Variants in FAAH2 observed in about 807,000 individuals in gnomAD.
FAAH2 encodes fatty-acid amide hydrolase 2.
A neutral mutation model predicts 36.9 loss-of-function variants in FAAH2; 60 were observed. That is an observed-to-expected ratio of 1.63 (90% CI 1.32 to 2.02). The LOEUF is 2.02. Ranked by LOEUF, FAAH2 falls within the 30% of genes most tolerant of loss-of-function variation. The probability of loss-of-function intolerance (pLI) is 0.00; values close to 1 mark genes in which losing one functional copy is unlikely to be tolerated. For synonymous variants in FAAH2, 214 were observed against 143.8 expected (o/e 1.49, Z -3.49); for missense variants, 689 against 397.5 (o/e 1.73, Z -6.23).
chrX:57,409,195 C>A (rs1285779363), intron 7 of FAAH2, among the ~76,000 whole-genome samples: 1 of 111,017 alleles, frequency 9.0e-6, no homozygotes, highest in East Asian at 2.8e-4. Flanking sequence ...CATTATTGAC[C>A]AAAACATCAT....
At chrX:57,161,649 G>A in the FAAH2 span, among the ~76,000 whole-genome samples, 1 of 111,210 alleles carries the variant, frequency 9.0e-6, no homozygotes, top group Non-Finnish European at 1.9e-5. Context: ...TTTGTTGGTT[G>A]AAAGTCTGTC....
At chrX:57,447,874 G>A (rs1198171697) in intron 9 of FAAH2, among the ~76,000 whole-genome samples, 1 of 112,402 alleles carries the variant, frequency 8.9e-6, no homozygotes, top group Non-Finnish European at 1.9e-5. Context: ...TTGTCTTGGA[G>A]ATTAACATTT....
chrX:57,371,492 CA>C lies in FAAH2; in HGVS notation c.743-7158del, dbSNP rs1246030845. On this transcript the variant is annotated intron_variant, in intron 5 of 10. Transcript: ENST00000374900. ...CTTTATCCAATCCACCATTGATGGG[CA>C]CCTAGTTTGATTCCATGTCTTTCCT... is the stretch of plus-strand genomic sequence containing the variant. Among the ~76,000 whole-genome samples the C allele has an allele frequency of 6.3e-5, 7 of 111,571 alleles. No homozygotes were observed. The East Asian group carries it at 2.0e-3, about 31-fold the overall frequency.
intron 7 of FAAH2, chrX:57,392,546 G>T: frequency 1.3e-6 from 1 of 789,241 alleles, no homozygotes; most frequent in Non-Finnish European, 1.9e-6. Context: ...GGCAGGGGCT[G>T]ACTCTTGGCT....
the FAAH2 span, among the ~76,000 whole-genome samples, chrX:57,223,001 C>A: frequency 3.6e-5 from 4 of 111,996 alleles, no homozygotes; most frequent in Non-Finnish European, 7.5e-5. Context: ...CTTCCTCAAG[C>A]TCTCACTCTA....
the FAAH2 span, among the ~76,000 whole-genome samples, chrX:57,185,040 G>T: frequency 9.0e-6 from 1 of 110,545 alleles, no homozygotes; most frequent in Non-Finnish European, 1.9e-5. Flanking sequence ...CAGTAAAGTG[G>T]GGTATCCATT....
chrX:57,405,920 T>C (rs1332013404), intron 7 of FAAH2, among the ~76,000 whole-genome samples: 3 of 108,569 alleles, frequency 2.8e-5, no homozygotes, highest in African/African-American at 1.0e-4. Context: ...TTACAATCTA[T>C]ATTTTCAATT....
rs771871081 is a variant in FAAH2 at position 57,288,338 on chromosome X, C to CTTTTTTTTTTTTTTTTT, written c.192+1334_192+1350dup. On this transcript the variant is annotated intron_variant, in intron 1 of 10. Transcript: ENST00000374900. The stretch of plus-strand genomic sequence containing the variant: ...TAGCTCTGTGATCTTAAAAACATTT[C>CTTTTTTTTTTTTTTTTT]TTTTTTTTTTTTTTTTTTTTTTTTT... Among the ~76,000 whole-genome samples, 13 of 40,349 alleles carry CTTTTTTTTTTTTTTTTT rather than the reference C, an allele frequency of 3.2e-4. 6 individuals are homozygous for CTTTTTTTTTTTTTTTTT. The highest frequency in any genetic ancestry group is 1.8e-3 in the African/African-American group (13 of 7,302). 35.0% of individuals were successfully genotyped at this position (40,349 alleles called of 115,157 possible). A position where few individuals can be genotyped will look rare whatever the true frequency, so the allele number is the denominator to read the frequency against.
intron 10 of FAAH2, among the ~76,000 whole-genome samples, chrX:57,463,123 G>A (rs1044154463): frequency 5.4e-5 from 6 of 111,159 alleles, no homozygotes; most frequent in Non-Finnish European, 1.1e-4. Flanking sequence ...ATCTCCTCAA[G>A]AAGAACTACA....
intron 10 of FAAH2, among the ~76,000 whole-genome samples, chrX:57,484,195 G>A (rs1178850369): frequency 1.8e-5 from 2 of 110,900 alleles, no homozygotes; most frequent in Admixed American, 9.6e-5. Context: ...ACAAGAAGAT[G>A]GGTATTTCAT....
Position 57,448,601 on chromosome X carries a change from C to G in FAAH2, c.1306C>G (p.Arg436Gly). The change falls in exon 10 of 11, where the codon CGT (arginine) becomes GGT (glycine). Residue 436 changes from arginine to glycine, a missense_variant. Transcript: ENST00000374900. ...QKFKAVEESL[R>G]KELVDMLGDD... ...GTTTAAGGCAGTGGAAGAAAGCCTG[C>G]GTAAAGAGCTGGTGGATATGCTAGG... is the stretch of plus-strand genomic sequence containing the variant. 4 of 1,211,155 alleles carry G rather than the reference C, an allele frequency of 3.3e-6. No homozygotes were observed. Among genetic ancestry groups the G allele is most frequent in the Non-Finnish European group, 2.2e-6 (2 of 895,154 alleles).
intron 5 of FAAH2, among the ~76,000 whole-genome samples, chrX:57,372,322 C>G (rs2054572337): frequency 9.1e-6 from 1 of 110,450 alleles, no homozygotes; most frequent in African/African-American, 3.3e-5. Context: ...ATTTTTTTAA[C>G]TTTTTAATAA....
intron 7 of FAAH2, among the ~76,000 whole-genome samples, chrX:57,423,600 G>T (rs1192333188): frequency 8.9e-6 from 1 of 111,787 alleles, no homozygotes; most frequent in East Asian, 2.8e-4. Flanking sequence ...ATTCAAAGCT[G>T]CCCCTTTCTT....
intron 3 of FAAH2, among the ~76,000 whole-genome samples, chrX:57,315,764 A>G (rs1163393377): frequency 9.0e-6 from 1 of 111,530 alleles, no homozygotes; most frequent in Non-Finnish European, 1.9e-5. Flanking sequence ...ATACCTCAAA[A>G]TAATAAGAGT....
the FAAH2 span, among the ~76,000 whole-genome samples, chrX:57,152,392 C>T: frequency 2.5e-4 from 28 of 112,606 alleles, no homozygotes; most frequent in African/African-American, 9.0e-4. Flanking sequence ...GGCAGGCAGG[C>T]CTCCTTGAGC....
At chrX:57,206,592 C>T in the FAAH2 span, among the ~76,000 whole-genome samples, 1 of 112,448 alleles carries the variant, frequency 8.9e-6, no homozygotes. Flanking sequence ...GTTTAACATG[C>T]CTTGTGGCAA....
chrX:57,315,544 C>G (rs951286481), intron 3 of FAAH2, among the ~76,000 whole-genome samples: 2 of 111,512 alleles, frequency 1.8e-5, no homozygotes, highest in Non-Finnish European at 3.8e-5. Flanking sequence ...AGCAACACAA[C>G]AAAAAGTTAA....
chrX:57,161,757 T>G, the FAAH2 span, among the ~76,000 whole-genome samples: 1 of 111,908 alleles, frequency 8.9e-6, no homozygotes, highest in African/African-American at 3.3e-5. Context: ...TGTGTGTCTC[T>G]GCACGTGAGA....
intron 3 of FAAH2, among the ~76,000 whole-genome samples, chrX:57,324,400 G>C (rs1311825971): frequency 8.9e-6 from 1 of 111,816 alleles, no homozygotes; most frequent in Non-Finnish European, 1.9e-5. Context: ...GCTTGATGCG[G>C]ATGGCATTGA....
Sources: gnomAD v4.1 joint callset for allele counts (sites outside exome capture counted in the v4.1 genomes callset) on GRCh38, gnomAD v4.1.1 for gene constraint, MANE v1.5 for transcripts, NCBI Gene and HGNC (gene_info 2026-07-23, HGNC 2026-07-21) for gene names.